Variants in TRIM67 observed in about 807,000 individuals in gnomAD.
TRIM67 encodes the protein tripartite motif containing 67, also known as tripartite motif-containing protein 67.
A neutral mutation model predicts 71.0 loss-of-function variants in TRIM67; 39 were observed. The observed-to-expected ratio is 0.55, with a 90% confidence interval of 0.43 to 0.72. The LOEUF (loss-of-function observed/expected upper bound fraction) is 0.72, where lower values mean the gene tolerates loss of function less well. TRIM67 is among the 30% of genes least tolerant of loss of function. The pLI is 0.00. For missense variants in TRIM67, 973 were observed against 1,079.2 expected, an observed-to-expected ratio of 0.90 and a Z score of 1.38; for synonymous variants, 481 against 473.9, an observed-to-expected ratio of 1.01 and a Z score of -0.19.
chr1:231,169,005 T>C (rs1682550194), intron 1 of TRIM67, among the ~76,000 whole-genome samples: 1 of 152,228 alleles, frequency 6.6e-6, no homozygotes, highest in Non-Finnish European at 1.5e-5. Flanking sequence ...TCTCAGAGCA[T>C]GTGGCATGGA....
intron 3 of TRIM67, among the ~76,000 whole-genome samples, chr1:231,199,687 C>G (rs958912744): frequency 6.6e-6 from 1 of 152,192 alleles, no homozygotes; most frequent in African/African-American, 2.4e-5. Context: ...GTCTGAGGAG[C>G]TCCATCTATG....
chr1:231,197,682 G>A (rs554740488), intron 2 of TRIM67, among the ~76,000 whole-genome samples: 2 of 152,270 alleles, frequency 1.3e-5, no homozygotes, highest in East Asian at 1.9e-4. Flanking sequence ...AAAATTAGCC[G>A]GGCGTGGTGG....
chr1:231,177,011 G>A (rs535705049), intron 1 of TRIM67, among the ~76,000 whole-genome samples: 7 of 151,074 alleles, frequency 4.6e-5, no homozygotes, highest in Non-Finnish European at 8.8e-5. Context: ...TGAGGAAACC[G>A]TAACATAAGA....
chr1:231,169,912 C>T (rs1015744845), intron 1 of TRIM67, among the ~76,000 whole-genome samples: 1 of 152,142 alleles, frequency 6.6e-6, no homozygotes, highest in Non-Finnish European at 1.5e-5. Flanking sequence ...TAGCCCTACC[C>T]TATGCTTAGA....
At chr1:231,199,282 G>A (rs1683457038) in intron 3 of TRIM67, 113 bp downstream of exon 3, 1 of 1,052,682 alleles carries the variant, frequency 9.5e-7, no homozygotes, top group South Asian at 1.3e-5. Context: ...GTGAATGAAT[G>A]AGCTAATGAA....
chr1:231,163,012 C>A lies in TRIM67; in HGVS notation c.43C>A (p.Arg15=). 1 of 1,612,782 alleles carries A rather than the reference C, an allele frequency of 6.2e-7. No homozygotes were observed. The highest frequency in any genetic ancestry group is 8.5e-7 in the Non-Finnish European group (1 of 1,179,392). The stretch of plus-strand genomic sequence containing the variant: ...GTGTCCCGTGTGCGGCTCTCTGTTT[C>A]GGGAGCCTATCATCCTGCCCTGTTC... ...LKCPVCGSLF[R]EPIILPCSHN... is the part of the protein sequence containing the mutation. The change falls in exon 1 of 10, where the codon CGG becomes AGG. Residue 15 remains arginine (R), a synonymous_variant. Coordinates refer to ENST00000366653, the MANE Select transcript of TRIM67 (RefSeq NM_001004342.5).
chr1:231,198,951 T>G (rs1683446877), intron 2 of TRIM67, 96 bp from the exon 3 acceptor site: 2 of 1,571,662 alleles, frequency 1.3e-6, no homozygotes, highest in Non-Finnish European at 1.7e-6. Context: ...GATGAACTTC[T>G]CTGAAATATA....
At chr1:231,198,398 T>C (rs940853446) in intron 2 of TRIM67, among the ~76,000 whole-genome samples, 2 of 152,130 alleles carry the variant, frequency 1.3e-5, no homozygotes, top group African/African-American at 4.8e-5. Flanking sequence ...TGAATTCTTT[T>C]TTTTTTGAGA....
rs945273237 is a variant in TRIM67 at position 231,163,360 on chromosome 1, G to A, written c.391G>A (p.Val131Met). The A allele has an allele frequency of 1.2e-5, 19 of 1,533,778 alleles. No homozygotes were observed. The highest frequency in any genetic ancestry group is 1.0e-4 in the Admixed American group (5 of 49,760). The change falls in exon 1 of 10, where the codon GTG becomes ATG. Residue 131 changes from valine to methionine, a missense_variant. Coordinates refer to ENST00000366653, the MANE Select transcript of TRIM67 (RefSeq NM_001004342.5). ...CAACGGGGTTCGCGTGCTGCCCATGGTGCCCGCACCACCCGGCTCCTCGGC... is the reference window on the plus strand; with the variant it reads ...CAACGGGGTTCGCGTGCTGCCCATGATGCCCGCACCACCCGGCTCCTCGGC... Reference protein sequence around the residue: ...SPNGVRVLPMVPAPPGSSAAA... With the variant: ...SPNGVRVLPMMPAPPGSSAAA...
At chr1:231,200,460 C>T (rs953237470) in intron 4 of TRIM67, among the ~76,000 whole-genome samples, 8 of 152,290 alleles carry the variant, frequency 5.3e-5, no homozygotes, top group South Asian at 2.1e-4. Flanking sequence ...ATGCATGAAA[C>T]GAGGAGGTGA....
intron 1 of TRIM67, among the ~76,000 whole-genome samples, chr1:231,167,064 C>G (rs1682487826): frequency 6.6e-6 from 1 of 152,142 alleles, no homozygotes; most frequent in South Asian, 2.1e-4. Context: ...CTGCTGGGTG[C>G]AGATGGCCAG....
intron 1 of TRIM67, among the ~76,000 whole-genome samples, chr1:231,168,049 C>T (rs2102712076): frequency 6.6e-6 from 1 of 152,110 alleles, no homozygotes; most frequent in African/African-American, 2.4e-5. Context: ...GTAGGCTCAA[C>T]TTCCTGGGCT....
intron 3 of TRIM67, 48 bp from the exon 4 acceptor site, chr1:231,200,100 G>C (rs1683477778): frequency 4.8e-6 from 7 of 1,454,132 alleles, no homozygotes; most frequent in Non-Finnish European, 5.8e-6. Flanking sequence ...TGGCCTGCCT[G>C]TTCTTCCTCT....
chr1:231,170,914 TG>T (rs1472186067), intron 1 of TRIM67, among the ~76,000 whole-genome samples: 1 of 152,194 alleles, frequency 6.6e-6, no homozygotes, highest in Non-Finnish European at 1.5e-5. Context: ...AATCTAAGTG[TG>T]GGCCTCCACC....
At chr1:231,181,312 C>G (rs1237999030) in intron 1 of TRIM67, among the ~76,000 whole-genome samples, 1 of 152,172 alleles carries the variant, frequency 6.6e-6, no homozygotes, top group Non-Finnish European at 1.5e-5. Flanking sequence ...GCTCCTTTTC[C>G]TCTGCTATGA....
chr1:231,167,183 A>G (rs1480440678), intron 1 of TRIM67, among the ~76,000 whole-genome samples: 1 of 151,906 alleles, frequency 6.6e-6, no homozygotes, highest in Non-Finnish European at 1.5e-5. Context: ...GCCATGGTAA[A>G]TCGAAGAGCC....
At chr1:231,177,024 T>C (rs1017118157) in intron 1 of TRIM67, among the ~76,000 whole-genome samples, 3 of 151,194 alleles carry the variant, frequency 2.0e-5, no homozygotes, top group Admixed American at 6.6e-5. Flanking sequence ...ACATAAGAGA[T>C]TCCCAGGAGG....
chr1:231,211,244 T>C (rs984104295), intron 8 of TRIM67, among the ~76,000 whole-genome samples: 5 of 151,960 alleles, frequency 3.3e-5, no homozygotes, highest in Non-Finnish European at 5.9e-5. Context: ...GAGCACTTCT[T>C]GGGCCTTTGC....
intron 1 of TRIM67, among the ~76,000 whole-genome samples, chr1:231,174,657 A>G (rs1291805017): frequency 1.3e-5 from 2 of 151,686 alleles, no homozygotes; most frequent in Non-Finnish European, 2.9e-5. Flanking sequence ...CCTTTCCCCA[A>G]CAGTCTGTCC....
Sources: allele counts gnomAD v4.1 joint callset (sites outside exome capture counted in the v4.1 genomes callset), GRCh38; gene constraint gnomAD v4.1.1; transcripts MANE v1.5; gene names NCBI Gene and HGNC (gene_info 2026-07-23, HGNC 2026-07-21).